Variants in ZRANB3 observed in about 807,000 individuals in gnomAD.
ZRANB3 encodes DNA annealing helicase and endonuclease ZRANB3.
In ZRANB3, 125 loss-of-function variants were observed where a neutral mutation model predicts 133.8. The observed-to-expected ratio is 0.93, with a 90% confidence interval of 0.81 to 1.08. ZRANB3 has a LOEUF of 1.08. ZRANB3 is among the 50% of genes least tolerant of loss of function. The pLI is 0.00. For missense variants in ZRANB3, 1,229 were observed against 1,275.5 expected (o/e 0.96, Z 0.56); for synonymous variants, 387 against 432.7 (o/e 0.89, Z 1.31).
chr2:135,456,098 G>C (rs1690506850), intron 2 of ZRANB3, among the ~76,000 whole-genome samples: 1 of 151,916 alleles, frequency 6.6e-6, no homozygotes, highest in African/African-American at 2.4e-5. Flanking sequence ...TATTTTTTGT[G>C]AGAATTACAT....
intron 9 of ZRANB3, among the ~76,000 whole-genome samples, chr2:135,272,161 T>A (rs1303082906): frequency 1.3e-5 from 2 of 152,318 alleles, no homozygotes; most frequent in East Asian, 3.9e-4. Flanking sequence ...ATGCCTTGTA[T>A]ATAGCAGAAG....
chr2:135,230,672 GCTTGGACTGGGATGGTGTCT>G lies in ZRANB3; in HGVS notation c.1775_1794del (p.Glu592AlafsTer30). On this transcript the variant is annotated frameshift_variant, in exon 13 of 21. Transcript: ENST00000264159. LOFTEE classifies it high-confidence loss of function. ...CTTTCCACGAGTGGAGTTCGGATTT[GCTTGGACTGGGATGGTGTCT>G]CTTCCGACGGACTGCAGTGGTCTTC... 1 of 1,613,618 alleles carries G rather than the reference GCTTGGACTGGGATGGTGTCT, an allele frequency of 6.2e-7. No individual in the cohort carries two copies. Among genetic ancestry groups the G allele is most frequent in the Non-Finnish European group, 8.5e-7 (1 of 1,179,784 alleles).
chr2:135,287,532 AT>A (rs1681439802), intron 8 of ZRANB3, among the ~76,000 whole-genome samples: 1 of 152,058 alleles, frequency 6.6e-6, no homozygotes, highest in African/African-American at 2.4e-5. Flanking sequence ...TTTTCACAAT[AT>A]TGATTCTACC....
intron 6 of ZRANB3, among the ~76,000 whole-genome samples, chr2:135,341,453 G>T (rs1208228989): frequency 6.7e-6 from 1 of 149,810 alleles, no homozygotes; most frequent in South Asian, 2.1e-4. Context: ...TGCATGTCAC[G>T]TCAGGATCCT....
At chr2:135,383,491 C>T (rs868541384) in intron 3 of ZRANB3, among the ~76,000 whole-genome samples, 13 of 152,182 alleles carry the variant, frequency 8.5e-5, no homozygotes, top group Admixed American at 5.9e-4. Context: ...CTGCACCAAG[C>T]GGACCTAATA....
chr2:135,264,396 C>T lies in ZRANB3; in HGVS notation c.1539+1138G>A, dbSNP rs1216830452. On this transcript the variant is annotated intron_variant, in intron 12 of 20. Coordinates refer to ENST00000264159, the MANE Select transcript of ZRANB3 (RefSeq NM_032143.4). ...CTGAGGCAGGAGAATCGCTTGAACCCGGGAGACAGAGGTTGCAGCCAGCTG... is the reference window on the plus strand; with the variant it reads ...CTGAGGCAGGAGAATCGCTTGAACCTGGGAGACAGAGGTTGCAGCCAGCTG... Among the ~76,000 whole-genome samples the T allele has an allele frequency of 3.4e-5, 5 of 148,746 alleles. No individual in the cohort carries two copies. In the South Asian group the frequency reaches 8.5e-4, roughly 25 times the overall value.
At chr2:135,265,807 C>G (rs1680213162) in intron 11 of ZRANB3, 121 bp from the exon 12 acceptor site, 1 of 1,042,390 alleles carries the variant, frequency 9.6e-7, no homozygotes, top group African/African-American at 1.6e-5. Flanking sequence ...ACTGTTCCAA[C>G]ATATCATGGG....
chr2:135,486,081 G>T (rs1395608349), intron 2 of ZRANB3, among the ~76,000 whole-genome samples: 1 of 152,144 alleles, frequency 6.6e-6, no homozygotes, highest in Non-Finnish European at 1.5e-5. Context: ...ACTAATCAAG[G>T]TGGTGGTTGC....
chr2:135,408,842 G>A (rs1343527315), intron 2 of ZRANB3, among the ~76,000 whole-genome samples: 1 of 152,040 alleles, frequency 6.6e-6, no homozygotes, highest in Admixed American at 6.6e-5. Context: ...GGGGGATGGG[G>A]GAGGGATAGC....
chr2:135,497,929 T>C (rs1274920454), intron 2 of ZRANB3, among the ~76,000 whole-genome samples: 1 of 151,964 alleles, frequency 6.6e-6, no homozygotes, highest in Admixed American at 6.6e-5. Context: ...GGTGTGCACC[T>C]GTAGTCCCAG....
intron 6 of ZRANB3, among the ~76,000 whole-genome samples, chr2:135,323,870 T>C (rs1221571143): frequency 6.6e-6 from 1 of 151,860 alleles, no homozygotes; most frequent in Non-Finnish European, 1.5e-5. Context: ...TGGGTCCAAG[T>C]GATTCTCCTG....
At chr2:135,469,534 A>G (rs1009619526) in intron 2 of ZRANB3, among the ~76,000 whole-genome samples, 2 of 152,206 alleles carry the variant, frequency 1.3e-5, no homozygotes, top group African/African-American at 4.8e-5. Flanking sequence ...AATGTATAAT[A>G]GAATTAATTC....
intron 6 of ZRANB3, among the ~76,000 whole-genome samples, chr2:135,340,705 T>C (rs1391937221): frequency 6.6e-6 from 1 of 151,966 alleles, no homozygotes; most frequent in Non-Finnish European, 1.5e-5. Flanking sequence ...ATACAAAAAT[T>C]AGCCGGGTGT....
chr2:135,514,807 T>C (rs1377644393), intron 1 of ZRANB3, among the ~76,000 whole-genome samples: 1 of 152,206 alleles, frequency 6.6e-6, no homozygotes, highest in East Asian at 1.9e-4. Flanking sequence ...TTTAGATACA[T>C]TCCATCAATA....
chr2:135,383,341 T>A (rs1378463307), intron 3 of ZRANB3, among the ~76,000 whole-genome samples: 2 of 152,132 alleles, frequency 1.3e-5, no homozygotes, highest in East Asian at 3.9e-4. Context: ...CACAGATTCA[T>A]AAAACAAGAC....
At chr2:135,426,866 ATATATATATATATAT>A (rs1689115149) in intron 2 of ZRANB3, among the ~76,000 whole-genome samples, 6 of 11,812 alleles carry the variant, frequency 5.1e-4, no homozygotes, top group African/African-American at 1.9e-3. Context: ...AAAAAAAAAT[ATATATATATATATAT>A]ATATATATAT....
intron 6 of ZRANB3, among the ~76,000 whole-genome samples, chr2:135,343,489 C>T (rs1323864607): frequency 6.7e-6 from 1 of 149,308 alleles, no homozygotes; most frequent in Non-Finnish European, 1.5e-5. Flanking sequence ...AAGTGTTAGA[C>T]TGACTTCATA....
intron 1 of ZRANB3, chr2:135,511,556 T>C: frequency 9.9e-7 from 1 of 1,015,052 alleles, no homozygotes; most frequent in East Asian, 2.4e-5. Context: ...TATCTGAAGA[T>C]ATCATTGTGA....
intron 6 of ZRANB3, among the ~76,000 whole-genome samples, chr2:135,319,811 C>T (rs577021181): frequency 2.0e-5 from 3 of 152,208 alleles, no homozygotes; most frequent in Non-Finnish European, 4.4e-5. Context: ...CCAAACATAC[C>T]GCTAATATAA....
Sources: gnomAD v4.1 joint callset for allele counts (sites outside exome capture counted in the v4.1 genomes callset) on GRCh38, gnomAD v4.1.1 for gene constraint, MANE v1.5 for transcripts, NCBI Gene and HGNC (gene_info 2026-07-23, HGNC 2026-07-21) for gene names.